The following SND1 variants were observed in gnomAD, a reference collection of about 807,000 sequenced individuals.
SND1 encodes the protein staphylococcal nuclease and tudor domain containing 1, also known as staphylococcal nuclease domain-containing protein 1.
In SND1, 38 loss-of-function variants were observed where a neutral mutation model predicts 121.7. That is an observed-to-expected ratio of 0.31 (90% CI 0.24 to 0.41). The LOEUF is 0.41. Among genes scored for constraint, SND1 ranks in the 10% least tolerant of loss-of-function variants. The pLI is 1.00. For synonymous variants in SND1, 401 were observed against 447.4 expected (o/e 0.90, Z 1.31); for missense variants, 868 against 1,184.6 (o/e 0.73, Z 3.92).
rs931654997 is a variant in SND1, at chr7:128,073,716, A to C, written c.1780-786A>C. Among the ~76,000 whole-genome samples the C allele has an allele frequency of 3.3e-5, 5 of 152,234 alleles. No individual in the cohort carries two copies. The South Asian group carries it at 1.0e-3, about 31-fold the overall frequency. Reference sequence around the variant, plus strand: ...AGGTCAGGAGAAAATCAAAGAAGGAATTTATCCTGGGCAGTGGCCTTCACG... The same window carrying C: ...AGGTCAGGAGAAAATCAAAGAAGGACTTTATCCTGGGCAGTGGCCTTCACG... On this transcript the variant is annotated intron_variant, in intron 16 of 23. Transcript: ENST00000354725.
intron 9 of SND1, among the ~76,000 whole-genome samples, chr7:127,717,722 C>A (rs62481369): frequency 6.6e-6 from 1 of 152,126 alleles, no homozygotes; most frequent in African/African-American, 2.4e-5. Context: ...TTGTAGAAGG[C>A]CCTTTTGGGC....
chr7:127,995,841 G>GT (rs1006989627), intron 16 of SND1, among the ~76,000 whole-genome samples: 2 of 152,240 alleles, frequency 1.3e-5, no homozygotes, highest in Admixed American at 6.5e-5. Context: ...GTTCCAGGCT[G>GT]TAGGAGGTAC....
At position 127,836,429 on chromosome 7, in the gene SND1, G is replaced by A. The variant is rs139759807; in HGVS notation, c.1243-7895G>A. On this transcript the variant is annotated intron_variant, in intron 11 of 23. Coordinates refer to ENST00000354725, the MANE Select transcript of SND1 (RefSeq NM_014390.4). ...AGCACCTAATTACAATGATTTGGAA[G>A]GGGGTGTTAGAGAATACATCTGGGC... 4.8e-3 allele frequency among the ~76,000 whole-genome samples: 725 copies of A among 152,284 alleles called. 12 individuals are homozygous for A. Among genetic ancestry groups the A allele is most frequent in the East Asian group, 0.045 (234 of 5,178 alleles).
At chr7:127,754,557 G>T (rs535694488) in intron 10 of SND1, among the ~76,000 whole-genome samples, 2 of 152,340 alleles carry the variant, frequency 1.3e-5, no homozygotes, top group African/African-American at 2.4e-5. Context: ...TTATCACAGT[G>T]GAGGGAAAGA....
At chr7:127,857,709 C>T in intron 12 of SND1, 1 of 588,870 alleles carries the variant, frequency 1.7e-6, no homozygotes, top group Non-Finnish European at 3.1e-6. Context: ...ACAGCCAAGG[C>T]CCCACAACTA....
intron 10 of SND1, among the ~76,000 whole-genome samples, chr7:127,730,078 C>T (rs969309461): frequency 6.6e-6 from 1 of 152,190 alleles, no homozygotes; most frequent in Non-Finnish European, 1.5e-5. Context: ...AAGCGATTCT[C>T]CTGTCTCAGC....
Position 127,983,405 on chromosome 7 carries a change from T to G in SND1, c.1670-7542T>G, listed in dbSNP as rs77677649. Among the ~76,000 whole-genome samples, 902 of 152,272 alleles carry G rather than the reference T, an allele frequency of 5.9e-3. 16 individuals are homozygous for G. Among genetic ancestry groups the G allele is most frequent in the African/African-American group, 0.021 (860 of 41,550 alleles). On this transcript the variant is annotated intron_variant, in intron 15 of 23. Transcript: ENST00000354725. ...ATAGAAAGGAGAGGTGTCCATAGTTTCCTATCTGGAAAACTTTTACAGCAT... is the reference window on the plus strand; with the variant it reads ...ATAGAAAGGAGAGGTGTCCATAGTTGCCTATCTGGAAAACTTTTACAGCAT...
chr7:127,844,034 T>C (rs939534317), intron 11 of SND1, among the ~76,000 whole-genome samples: 4 of 152,376 alleles, frequency 2.6e-5, no homozygotes, highest in Non-Finnish European at 4.4e-5. Flanking sequence ...ATGTATTCTT[T>C]AGTAAGCTGT....
intron 15 of SND1, among the ~76,000 whole-genome samples, chr7:127,962,832 C>G (rs748246684): frequency 9.2e-5 from 14 of 152,178 alleles, no homozygotes; most frequent in Non-Finnish European, 1.8e-4. Flanking sequence ...ACTGGACTTT[C>G]AGCTCTACAA....
At chr7:127,962,424 G>A (rs1384559611) in intron 15 of SND1, among the ~76,000 whole-genome samples, 1 of 152,142 alleles carries the variant, frequency 6.6e-6, no homozygotes, top group Non-Finnish European at 1.5e-5. Flanking sequence ...GACATCTTTG[G>A]CAAAATGTGT....
chr7:128,054,251 C>G (rs6961946), intron 16 of SND1, among the ~76,000 whole-genome samples: 3,535 of 152,300 alleles, frequency 0.023, 143 homozygotes, highest in African/African-American at 0.08. Flanking sequence ...GAACAGAGAT[C>G]GGCATCTCAC....
intron 7 of SND1, among the ~76,000 whole-genome samples, chr7:127,704,013 T>C (rs1796148473): frequency 6.6e-6 from 1 of 152,082 alleles, no homozygotes. Flanking sequence ...TATGGAAAAA[T>C]TATGTTTTGT....
chr7:127,932,919 G>C (rs1400745563), intron 15 of SND1, among the ~76,000 whole-genome samples: 3 of 152,158 alleles, frequency 2.0e-5, no homozygotes, highest in Non-Finnish European at 4.4e-5. Context: ...CATTGCAGTG[G>C]TCTGGAACTA....
intron 16 of SND1, among the ~76,000 whole-genome samples, chr7:127,994,580 AAAAAAC>A (rs1275835810): frequency 2.5e-4 from 34 of 136,844 alleles, no homozygotes; most frequent in Admixed American, 1.7e-3. Context: ...AAAAAAAAAA[AAAAAAC>A]AGTAAATTCA....
chr7:127,888,008 G>A lies in SND1; in HGVS notation c.1450G>A (p.Ala484Thr). Reference sequence around the variant, plus strand: ...CTACGATGAACTGCTTGCTGCAGAGGCCAGGTAAGACCAAACATTACTAAA... The same window carrying A: ...CTACGATGAACTGCTTGCTGCAGAGACCAGGTAAGACCAAACATTACTAAA... ...SHYDELLAAE[A>T]RAIKNGKGLH... Residue 484 changes from alanine to threonine, a missense_variant, in exon 13 of 24, where the codon GCC (alanine) becomes ACC (threonine). Ala to Thr is a moderately conservative substitution (Grantham distance 58). Coordinates refer to ENST00000354725, the MANE Select transcript of SND1 (RefSeq NM_014390.4). The A allele has an allele frequency of 6.2e-7, 1 of 1,609,508 alleles. No individual in the cohort carries two copies. The highest frequency in any genetic ancestry group is 8.5e-7 in the Non-Finnish European group (1 of 1,176,710).
At chr7:128,018,574 C>T (rs984162048) in intron 16 of SND1, among the ~76,000 whole-genome samples, 4 of 152,110 alleles carry the variant, frequency 2.6e-5, no homozygotes, top group Admixed American at 2.6e-4. Flanking sequence ...GCCCCAGAGC[C>T]AAGCCACTGT....
At chr7:127,854,121 T>TTGTTC (rs1308250231) in intron 12 of SND1, among the ~76,000 whole-genome samples, 8 of 152,176 alleles carry the variant, frequency 5.3e-5, no homozygotes, top group African/African-American at 1.7e-4. Context: ...TGTTCGTTTT[T>TTGTTC]TGTTCTGTTT....
At chr7:127,728,891 CG>C (rs895667301) in intron 10 of SND1, among the ~76,000 whole-genome samples, 14 of 152,118 alleles carry the variant, frequency 9.2e-5, no homozygotes, top group African/African-American at 3.4e-4. Context: ...TAACTATCTC[CG>C]GAGGGAGGTT....
chr7:128,029,557 G>C lies in SND1; in HGVS notation c.1779+38501G>C. 1 of 1,614,062 alleles carries C rather than the reference G, an allele frequency of 6.2e-7. No individual in the cohort carries two copies. The highest frequency in any genetic ancestry group is 8.5e-7 in the Non-Finnish European group (1 of 1,180,024). On this transcript the variant is annotated intron_variant, in intron 16 of 23. Coordinates refer to ENST00000354725, the MANE Select transcript of SND1 (RefSeq NM_014390.4). The surrounding 1 kb of genome is among the most constrained non-coding windows in gnomAD (Gnocchi z 4.2). ...GCCATCCGACCCTCAGAAATGTTGA[G>C]GTCTCGAGGTGCGTCCATGATGAAG...
Sources: gnomAD v4.1 joint callset for allele counts (sites outside exome capture counted in the v4.1 genomes callset) on GRCh38, gnomAD v4.1.1 for gene constraint, Gnocchi (gnomAD v3.1) non-coding constraint, MANE v1.5 for transcripts, NCBI Gene and HGNC (gene_info 2026-07-23, HGNC 2026-07-21) for gene names.